Variants in CEP63 observed in about 807,000 individuals in gnomAD.
CEP63 encodes the protein centrosomal protein 63.
In CEP63, 84 loss-of-function variants were observed where a neutral mutation model predicts 89.1. That is an observed-to-expected ratio of 0.94 (90% confidence interval 0.79 to 1.13). CEP63 has a LOEUF of 1.13. Among genes scored for constraint, CEP63 ranks in the 50% most tolerant of loss-of-function variants. The pLI is 0.00. For missense variants in CEP63, 838 were observed against 813.3 expected (o/e 1.03, Z -0.37); for synonymous variants, 267 against 272.5 (o/e 0.98, Z 0.20).
At chr3:134,625,183 G>A in the CEP63 span, 1 of 1,466,622 alleles carries the variant, frequency 6.8e-7, no homozygotes. Context: ...CACTGAAGAG[G>A]GCTGCCTGGC....
chr3:134,495,732 C>G (rs548109882), intron 2 of CEP63, among the ~76,000 whole-genome samples: 1 of 152,234 alleles, frequency 6.6e-6, no homozygotes, highest in African/African-American at 2.4e-5. Context: ...CATTCTTCAC[C>G]CCCAACCCCT....
At chr3:134,580,922 G>C (rs763376946) in intron 10 of CEP63, among the ~76,000 whole-genome samples, 1 of 148,584 alleles carries the variant, frequency 6.7e-6, no homozygotes, top group Non-Finnish European at 1.5e-5. Context: ...AAAATATGCA[G>C]ATTATCATGA....
chr3:134,499,472 A>G (rs1576777325), intron 2 of CEP63, among the ~76,000 whole-genome samples: 1 of 151,806 alleles, frequency 6.6e-6, no homozygotes, highest in African/African-American at 2.4e-5. Context: ...TTTTTGTTTC[A>G]TTGATTCTTT....
At chr3:134,764,417 A>G in the CEP63 span, among the ~76,000 whole-genome samples, 1 of 151,824 alleles carries the variant, frequency 6.6e-6, no homozygotes, top group African/African-American at 2.4e-5. Flanking sequence ...TAATTTTTTT[A>G]AAAATAATTC....
chr3:134,664,046 G>C, the CEP63 span, among the ~76,000 whole-genome samples: 8 of 152,278 alleles, frequency 5.3e-5, no homozygotes, highest in East Asian at 1.5e-3. Context: ...GGGTGTGTGG[G>C]AACCACAAGA....
intron 3 of CEP63, chr3:134,510,546 A>G: frequency 2.1e-6 from 1 of 471,952 alleles, no homozygotes; most frequent in Admixed American, 3.4e-5. Flanking sequence ...GATGCTTTTT[A>G]TTAAGACCTT....
At chr3:134,709,069 A>T in the CEP63 span, among the ~76,000 whole-genome samples, 1 of 150,660 alleles carries the variant, frequency 6.6e-6, no homozygotes, top group Non-Finnish European at 1.5e-5. Flanking sequence ...GGTACAGATG[A>T]AAGGTACAGA....
chr3:134,546,257 A>C lies in CEP63; in HGVS notation c.898A>C (p.Thr300Pro), dbSNP rs1953291358. 4 of 1,613,776 alleles carry C rather than the reference A, an allele frequency of 2.5e-6. No individual in the cohort carries two copies. The East Asian group carries it at 8.9e-5, about 36-fold the overall frequency. Residue 300 changes from threonine to proline, a missense_variant, in exon 8 of 15, where the codon ACT becomes CCT. Coordinates refer to ENST00000675561, the MANE Select transcript of CEP63 (RefSeq NM_001353108.3). The part of the protein sequence containing the change: ...KEKLQEKVKA[T>P]NTQHAVEAIR... Reference sequence around the variant, plus strand: ...GAAGTTACAAGAAAAAGTAAAGGCAACTAACACTCAACATGCTGTAGAAGC... The same window carrying C: ...GAAGTTACAAGAAAAAGTAAAGGCACCTAACACTCAACATGCTGTAGAAGC...
At chr3:134,530,742 G>GAA (rs2109020149) in intron 3 of CEP63, among the ~76,000 whole-genome samples, 1 of 152,024 alleles carries the variant, frequency 6.6e-6, no homozygotes, top group Non-Finnish European at 1.5e-5. Context: ...CTTCCAGTTT[G>GAA]AACTTTAGAA....
At chr3:134,627,610 C>G in the CEP63 span, 1 of 677,394 alleles carries the variant, frequency 1.5e-6, no homozygotes, top group Admixed American at 2.4e-5. Flanking sequence ...GCTAATCAAT[C>G]ATGACACTCT....
chr3:134,595,916 CACATA>C, the CEP63 span, among the ~76,000 whole-genome samples: 1 of 152,170 alleles, frequency 6.6e-6, no homozygotes, highest in East Asian at 1.9e-4. Context: ...AAGACAGCCC[CACATA>C]CTCAGGCTTT....
At chr3:134,663,614 A>G in the CEP63 span, among the ~76,000 whole-genome samples, 2 of 152,206 alleles carry the variant, frequency 1.3e-5, no homozygotes, top group Non-Finnish European at 2.9e-5. Context: ...GTCTTTGCCA[A>G]TTCCAGAGAG....
At chr3:134,532,719 C>T in intron 4 of CEP63, 59 bp from the exon 5 acceptor site, 1 of 1,423,648 alleles carries the variant, frequency 7.0e-7, no homozygotes, top group East Asian at 2.3e-5. Flanking sequence ...ACCAATTTGT[C>T]TCACCACTAC....
chr3:134,642,384 A>T, the CEP63 span, among the ~76,000 whole-genome samples: 3 of 152,208 alleles, frequency 2.0e-5, no homozygotes, highest in African/African-American at 7.2e-5. Flanking sequence ...CTTATGGCTG[A>T]GCCTGTGAGA....
At chr3:134,570,872 A>G (rs1957983093) in intron 11 of CEP63, among the ~76,000 whole-genome samples, 2 of 152,256 alleles carry the variant, frequency 1.3e-5, no homozygotes, top group South Asian at 4.1e-4. Context: ...TCATGGCAGA[A>G]GGCAAGAAGG....
At chr3:134,607,704 T>C in the CEP63 span, 1 of 985,614 alleles carries the variant, frequency 1.0e-6, no homozygotes, top group Non-Finnish European at 1.2e-6. Flanking sequence ...TGCCTCAGAG[T>C]GTGCAAACAT....
rs199930556 is a variant in CEP63, at chr3:134,557,376, G to GTTTTTTTTTTTTTTTTTTTTTTTTTTTT, written c.1468-765_1468-738dup. Among the ~76,000 whole-genome samples, 20 of 101,498 alleles carry GTTTTTTTTTTTTTTTTTTTTTTTTTTTT rather than the reference G, an allele frequency of 2.0e-4. 4 individuals carry two copies. The highest frequency in any genetic ancestry group is 5.4e-4 in the African/African-American group (11 of 20,280). 66.6% of individuals were successfully genotyped at this position (101,498 alleles called of 152,430 possible). ...CTTGACCAGCTTACTTTCATAATTTGTTTTTTTTTTTTTTTTTTTTTTTTT... is the reference window on the plus strand; with the variant it reads ...CTTGACCAGCTTACTTTCATAATTTGTTTTTTTTTTTTTTTTTTTTTTTTTTTTTTTTTTTTTTTTTTTTTTTTTTTTT... On this transcript the variant is annotated intron_variant, in intron 12 of 14. Coordinates refer to ENST00000675561, the MANE Select transcript of CEP63 (RefSeq NM_001353108.3).
chr3:134,506,045 T>C (rs1455729742), intron 2 of CEP63, among the ~76,000 whole-genome samples: 1 of 152,190 alleles, frequency 6.6e-6, no homozygotes, highest in Non-Finnish European at 1.5e-5. Flanking sequence ...CTACATCCTA[T>C]CTTGAGTTTT....
At chr3:134,682,913 T>C in the CEP63 span, among the ~76,000 whole-genome samples, 2 of 152,020 alleles carry the variant, frequency 1.3e-5, no homozygotes, top group Non-Finnish European at 2.9e-5. Context: ...AGACTTGGAG[T>C]CTTGAGTGAC....
Sources: gnomAD v4.1 joint callset for allele counts (sites outside exome capture counted in the v4.1 genomes callset) on GRCh38, gnomAD v4.1.1 for gene constraint, MANE v1.5 for transcripts, NCBI Gene and HGNC (gene_info 2026-07-23, HGNC 2026-07-21) for gene names.